TBK1: variants seen among roughly 807,000 people sequenced by gnomAD.
The protein encoded by TBK1 is TANK binding kinase 1.
In TBK1, 37 loss-of-function variants were observed where a neutral mutation model predicts 99.9. That is an observed-to-expected ratio of 0.37 (90% CI 0.28 to 0.49). The LOEUF is 0.49. Among genes scored for constraint, TBK1 ranks in the 20% least tolerant of loss-of-function variants. TBK1 has a pLI of 0.98. For synonymous variants in TBK1, 258 were observed against 279.8 expected, an observed-to-expected ratio of 0.92 and a Z score of 0.78; for missense variants, 644 against 872.5, an observed-to-expected ratio of 0.74 and a Z score of 3.30.
In TBK1 at chr12:64,495,520, A is replaced by G. The variant is rs1397725028; in HGVS notation, c.1559A>G (p.Gln520Arg). 1.2e-6 allele frequency: 2 copies of G among 1,614,088 alleles called. No individual in the cohort carries two copies. The highest frequency in any genetic ancestry group is 1.7e-6 in the Non-Finnish European group (2 of 1,179,966). ...SSQGTIETSL[Q>R]DIDSRLSPGG... ...CAGGGAACAATAGAAACCAGTCTTC[A>G]GGATATCGACAGCAGATTATCTCCA... Residue 520 changes from glutamine (Q) to arginine (R), a missense_variant, in exon 14 of 21, where the codon CAG becomes CGG. Gln to Arg is a conservative substitution (Grantham distance 43, BLOSUM62 1). This residue lies in a region of TBK1 where 465 missense variants were observed against 588.0 expected (regional missense o/e 0.79). Coordinates refer to ENST00000331710, the MANE Select transcript of TBK1 (RefSeq NM_013254.4).
In TBK1 at chr12:64,502,065, TCTG is replaced by T. The variant is rs1868250594; in HGVS notation, c.*687_*689del. ...GTTTTAAGCTGTATATTTCTTTAAT[TCTG>T]CTTACTATTTCATGGAAAAAAATAA... On this transcript the variant is annotated 3_prime_UTR_variant, in exon 21 of 21. Coordinates refer to ENST00000331710, the MANE Select transcript of TBK1 (RefSeq NM_013254.4). The T allele has an allele frequency of 6.6e-6, 1 of 152,634 alleles. No individual in the cohort carries two copies. The highest frequency in any genetic ancestry group is 6.5e-5 in the Admixed American group (1 of 15,276). The allele number at this position is 152,634 out of a possible 1,614,324, so 9.5% of individuals were successfully genotyped here. A position where few individuals can be genotyped will look rare whatever the true frequency, so the allele number is the denominator to read the frequency against.
Position 64,455,967 on chromosome 12 carries a change from G to T in TBK1, c.87+10G>T. 1 of 1,597,060 alleles carries T rather than the reference G, an allele frequency of 6.3e-7. No homozygotes were observed. Among genetic ancestry groups the T allele is most frequent in the Non-Finnish European group, 8.5e-7 (1 of 1,173,100 alleles). On this transcript the variant is annotated intron_variant, in intron 2 of 20. Coordinates refer to ENST00000331710, the MANE Select transcript of TBK1 (RefSeq NM_013254.4). Reference sequence around the variant, plus strand: ...TCGTGGAAGACATAAGGTTAGTACAGAGAAAACTTTGAAGACCTTTTATCA... The same window carrying T: ...TCGTGGAAGACATAAGGTTAGTACATAGAAAACTTTGAAGACCTTTTATCA...
chr12:64,458,997 T>C (rs1203661001), intron 2 of TBK1, among the ~76,000 whole-genome samples: 1 of 152,152 alleles, frequency 6.6e-6, no homozygotes, highest in Non-Finnish European at 1.5e-5. Flanking sequence ...CACATAGGAT[T>C]ATGAAGCAGT....
intron 11 of TBK1, among the ~76,000 whole-genome samples, chr12:64,486,814 C>G (rs1049364999): frequency 2.0e-5 from 3 of 152,118 alleles, no homozygotes; most frequent in Admixed American, 1.3e-4. Context: ...GTGCAGCCAT[C>G]ATCACTAATT....
At position 64,481,601 on chromosome 12, in the gene TBK1, G is replaced by A. The variant is rs73120392; in HGVS notation, c.813-241G>A. Among the ~76,000 whole-genome samples, 22,517 of 151,802 alleles carry A rather than the reference G, an allele frequency of 0.15. 1,713 individuals are homozygous for A. The highest frequency in any genetic ancestry group is 0.25 in the Middle Eastern group (73 of 294). ...TGAATAGCTGCTGCACTTCAGCCTG[G>A]GCAACATAACAAGACCCCATTTCTA... On this transcript the variant is annotated intron_variant, in intron 7 of 20. Coordinates refer to ENST00000331710, the MANE Select transcript of TBK1 (RefSeq NM_013254.4).
intron 13 of TBK1, 81 bp from the exon 14 acceptor site, chr12:64,495,402 C>A: frequency 6.6e-7 from 1 of 1,515,906 alleles, no homozygotes; most frequent in South Asian, 1.3e-5. Context: ...GAAATGTGGT[C>A]CAGACTTTAG....
intron 5 of TBK1, among the ~76,000 whole-genome samples, chr12:64,471,192 C>G (rs2040658650): frequency 1.3e-5 from 2 of 152,160 alleles, no homozygotes; most frequent in South Asian, 4.1e-4. Context: ...GTTATTGTGA[C>G]AGAGTCTCAA....
intron 5 of TBK1, among the ~76,000 whole-genome samples, chr12:64,469,957 G>A (rs1185125172): frequency 6.6e-6 from 1 of 152,134 alleles, no homozygotes; most frequent in Non-Finnish European, 1.5e-5. Flanking sequence ...TGCTTGCCAA[G>A]GTTTACTGCT....
At position 64,501,529 on chromosome 12, in the gene TBK1, A is replaced by T. The variant is rs896168740; in HGVS notation, c.*148A>T. 1.5e-5 allele frequency: 11 copies of T among 727,448 alleles called. No individual in the cohort carries two copies. The highest frequency in any genetic ancestry group is 3.3e-5 in the Admixed American group (1 of 30,116). The allele number at this position is 727,448 out of a possible 1,614,324, so 45.1% of individuals were successfully genotyped here. On this transcript the variant is annotated 3_prime_UTR_variant, in exon 21 of 21. Transcript: ENST00000331710. The stretch of plus-strand genomic sequence containing the variant: ...AATATGTACAATATTGTAAATACAT[A>T]AAAAATATACAAATTTTTGGCTGCT...
chr12:64,467,118 A>T, intron 5 of TBK1, 36 bp downstream of exon 5: 1 of 1,461,336 alleles, frequency 6.8e-7, no homozygotes, highest in Non-Finnish European at 9.2e-7. Context: ...CATTTAAAGA[A>T]GCTTGATATA....
intron 4 of TBK1, 82 bp downstream of exon 4, chr12:64,464,545 T>C: frequency 2.7e-6 from 3 of 1,131,594 alleles, no homozygotes; most frequent in Admixed American, 5.6e-5. Context: ...CATTCAAAAC[T>C]GAAGACCTTT....
intron 1 of TBK1, among the ~76,000 whole-genome samples, chr12:64,453,633 ATCACAGAATACC>A (rs2040453622): frequency 6.6e-6 from 1 of 152,244 alleles, no homozygotes; most frequent in African/African-American, 2.4e-5. Flanking sequence ...TCATTAATTC[ATCACAGAATACC>A]TAGTCTAGCA....
intron 6 of TBK1, among the ~76,000 whole-genome samples, chr12:64,475,591 A>G (rs1247402290): frequency 6.6e-6 from 1 of 152,256 alleles, no homozygotes; most frequent in African/African-American, 2.4e-5. Flanking sequence ...TTTAGCTCTC[A>G]TTTATAAGTG....
intron 1 of TBK1, among the ~76,000 whole-genome samples, chr12:64,455,164 T>G (rs1361108750): frequency 6.6e-6 from 1 of 151,754 alleles, no homozygotes; most frequent in African/African-American, 2.4e-5. Flanking sequence ...TTTTGTATTT[T>G]TTGTGGAGAC....
chr12:64,482,770 T>TA (rs1411638558), intron 8 of TBK1, among the ~76,000 whole-genome samples: 2 of 152,244 alleles, frequency 1.3e-5, no homozygotes, highest in Non-Finnish European at 2.9e-5. Flanking sequence ...AGCTACCCTA[T>TA]ATAGCCTAGG....
chr12:64,479,838 C>T (rs2040750608), intron 6 of TBK1, among the ~76,000 whole-genome samples, 174 bp from the exon 7 acceptor site: 1 of 152,074 alleles, frequency 6.6e-6, no homozygotes, highest in Admixed American at 6.6e-5. Context: ...TATTGTACTT[C>T]AGTCAGTCAG....
chr12:64,483,049 A>G (rs546959579), intron 8 of TBK1, among the ~76,000 whole-genome samples: 2 of 152,358 alleles, frequency 1.3e-5, no homozygotes, highest in African/African-American at 2.4e-5. Flanking sequence ...TTAGAACTGC[A>G]TGTGAATCTA....
chr12:64,495,417 T>C (rs2040915283), intron 13 of TBK1, 66 bp from the exon 14 acceptor site: 1 of 1,563,342 alleles, frequency 6.4e-7, no homozygotes, highest in African/African-American at 1.4e-5. Flanking sequence ...CTTTAGACTT[T>C]GTTGGGACTG....
intron 20 of TBK1, among the ~76,000 whole-genome samples, 159 bp from the exon 21 acceptor site, chr12:64,501,171 C>A (rs1391582829): frequency 6.6e-6 from 1 of 152,122 alleles, no homozygotes; most frequent in East Asian, 1.9e-4. Flanking sequence ...TATGATAATA[C>A]CATGCTGTTC....
Sources: allele counts gnomAD v4.1 joint callset (sites outside exome capture counted in the v4.1 genomes callset), GRCh38; gene constraint gnomAD v4.1.1; regional missense constraint gnomAD v4.1.1; transcripts MANE v1.5; gene names NCBI Gene and HGNC (gene_info 2026-07-23, HGNC 2026-07-21).